The following FAT4 variants were observed in gnomAD, a reference collection of about 807,000 sequenced individuals.
The protein encoded by FAT4 is protocadherin Fat 4.
Under a neutral mutation model 303.9 loss-of-function variants are expected in FAT4, and 84 were observed. The ratio of observed to expected loss-of-function variants is 0.28; its 90% CI spans 0.23 to 0.33. FAT4 has a LOEUF of 0.33. Ranked by LOEUF, FAT4 falls within the 10% of genes least tolerant of loss-of-function variation. FAT4 has a pLI of 1.00. For missense variants in FAT4, 6,005 were observed against 6,146.8 expected, an observed-to-expected ratio of 0.98 and a Z score of 0.77; for synonymous variants, 2,307 against 2,298.8, an observed-to-expected ratio of 1.00 and a Z score of -0.10.
At chr4:125,440,610 T>TGAGA (rs1553925990) in intron 8 of FAT4, among the ~76,000 whole-genome samples, 921 of 75,702 alleles carry the variant, frequency 0.012, 14 homozygotes, top group African/African-American at 0.021. Context: ...TGTGTGTGTG[T>TGAGA]GAGAGAGAGA....
chr4:125,485,209 T>C (rs1381425509), intron 16 of FAT4, among the ~76,000 whole-genome samples: 1 of 152,090 alleles, frequency 6.6e-6, no homozygotes, highest in South Asian at 2.1e-4. Flanking sequence ...TTAGGTTACA[T>C]TAAATTTATC....
chr4:125,431,052 A>G (rs542703861), intron 7 of FAT4, among the ~76,000 whole-genome samples: 55 of 109,786 alleles, frequency 5.0e-4, no homozygotes, highest in Non-Finnish European at 4.4e-5. Context: ...TATCAACAGT[A>G]GTAATGTATC....
chr4:125,492,022 G>T lies in FAT4; in HGVS notation c.*254G>T. ...CTAGTTATGTGGCATGCAGCATTTG[G>T]AAAATTTTTCTTATTTACCAGTGTT... On this transcript the variant is annotated 3_prime_UTR_variant, in exon 18 of 18. Coordinates refer to ENST00000394329, the MANE Select transcript of FAT4 (RefSeq NM_001291303.3). 1 of 411,298 alleles carries T rather than the reference G, an allele frequency of 2.4e-6. No homozygotes were observed. The highest frequency in any genetic ancestry group is 4.3e-6 in the Non-Finnish European group (1 of 234,436). The allele number at this position is 411,298 out of a possible 1,614,324, so 25.5% of individuals were successfully genotyped here.
Position 125,452,380 on chromosome 4 carries a change from G to A in FAT4, c.11370G>A (p.Glu3790=). 1 of 1,614,206 alleles carries A rather than the reference G, an allele frequency of 6.2e-7. No individual in the cohort carries two copies. ...CCACCTTCTTTGAAAGCATCAAAGA[G>A]ATCCTTCTCCGGCAGAGTGGAGTAA... ...GVATFFESIK[E]ILLRQSGVKV... The change falls in exon 10 of 18, where the codon GAG becomes GAA. Residue 3790 remains glutamate (E), a synonymous_variant. Coordinates refer to ENST00000394329, the MANE Select transcript of FAT4 (RefSeq NM_001291303.3).
chr4:125,448,058 G>T (rs1327101310), intron 9 of FAT4, among the ~76,000 whole-genome samples: 1 of 152,070 alleles, frequency 6.6e-6, no homozygotes, highest in East Asian at 1.9e-4. Flanking sequence ...TAGAGCAACG[G>T]TATCATTGCA....
At chr4:125,379,071 T>C (rs1733440341) in intron 2 of FAT4, among the ~76,000 whole-genome samples, 1 of 152,202 alleles carries the variant, frequency 6.6e-6, no homozygotes, top group Admixed American at 6.5e-5. Context: ...AGTAAATGGT[T>C]ATTGGTCCAT....
chr4:125,385,844 G>C (rs570309343), intron 2 of FAT4, among the ~76,000 whole-genome samples: 2 of 151,868 alleles, frequency 1.3e-5, no homozygotes, highest in Non-Finnish European at 2.9e-5. Flanking sequence ...TCAGCTTTTC[G>C]TCCAGCTTTT....
Position 125,452,755 on chromosome 4 carries a change from C to T in FAT4, c.11745C>T (p.Ala3915=), listed in dbSNP as rs920683746. 6 of 1,613,768 alleles carry T rather than the reference C, an allele frequency of 3.7e-6. No homozygotes were observed. The African/African-American group carries it at 8.0e-5, about 22-fold the overall frequency. The change falls in exon 10 of 18, where the codon GCC becomes GCT. Residue 3915 remains alanine, a synonymous_variant. Transcript: ENST00000394329. ...TGCAGAGTCCTTGCAAGAATGGTGC[C>T]ATCTGCCAGAATTTTCCAGGAAGCT... ...ECLQSPCKNG[A]ICQNFPGSFN...
chr4:125,410,071 G>T (rs185711502), intron 5 of FAT4, among the ~76,000 whole-genome samples: 5 of 151,996 alleles, frequency 3.3e-5, no homozygotes, highest in African/African-American at 1.2e-4. Context: ...CACTTGGAAC[G>T]ATATGAGAAG....
At chr4:125,465,577 C>T (rs534666610) in intron 11 of FAT4, among the ~76,000 whole-genome samples, 1 of 152,058 alleles carries the variant, frequency 6.6e-6, no homozygotes, top group Non-Finnish European at 1.5e-5. Context: ...AAAATTGATA[C>T]ACAATAAAAA....
chr4:125,324,972 A>T (rs1256138334), intron 2 of FAT4, among the ~76,000 whole-genome samples: 2 of 152,148 alleles, frequency 1.3e-5, no homozygotes, highest in Non-Finnish European at 2.9e-5. Context: ...TCTCTTTAAT[A>T]TCTAGCTCAA....
intron 2 of FAT4, among the ~76,000 whole-genome samples, chr4:125,330,973 C>T (rs1207379829): frequency 1.3e-5 from 2 of 152,130 alleles, no homozygotes; most frequent in Non-Finnish European, 2.9e-5. Context: ...CTCAGGCGCC[C>T]CTCCTTAGGG....
At position 125,317,713 on chromosome 4, in the gene FAT4, C is replaced by A; in HGVS notation, c.1302C>A (p.Tyr434Ter). ...TGGACCGCGAGCGCATCCCTTCCTA[C>A]AACCTCACAGTTTCCGTCTCTGATA... is the stretch of plus-strand genomic sequence containing the variant. ...SALDRERIPS[Y>*]NLTVSVSDNY... The change falls in exon 2 of 18, where the codon TAC (tyrosine) becomes TAA (stop). Residue 434 changes from tyrosine to a stop codon, truncating the protein, a stop_gained. Transcript: ENST00000394329. LOFTEE classifies it high-confidence loss of function. The surrounding 1 kb of genome is among the most constrained non-coding windows in gnomAD (Gnocchi z 7.0). The A allele has an allele frequency of 6.2e-7, 1 of 1,614,136 alleles. No homozygotes were observed. Among genetic ancestry groups the A allele is most frequent in the Non-Finnish European group, 8.5e-7 (1 of 1,180,034 alleles).
In FAT4 at chr4:125,457,717, G is replaced by A. The variant is rs115256966; in HGVS notation, c.11800+4907G>A. Among the ~76,000 whole-genome samples, 321 of 152,040 alleles carry A rather than the reference G, an allele frequency of 2.1e-3. 1 individual carries two copies. The highest frequency in any genetic ancestry group is 0.014 in the Middle Eastern group (4 of 294). ...AAGTTTATTATAGTATAGGCCATGT[G>A]AAAAATTAATTTCTAAATTTTCACA... is the stretch of plus-strand genomic sequence containing the variant. On this transcript the variant is annotated intron_variant, in intron 10 of 17. Transcript: ENST00000394329.
chr4:125,452,895 AT>A, intron 10 of FAT4, 85 bp downstream of exon 10: 2 of 1,451,714 alleles, frequency 1.4e-6, no homozygotes, highest in South Asian at 1.4e-5. Flanking sequence ...TTTTCCAATG[AT>A]TTTCATATAA....
In FAT4 at chr4:125,318,483, C is replaced by G; in HGVS notation, c.2072C>G (p.Pro691Arg). Residue 691 changes from proline (P) to arginine (R), a missense_variant, in exon 2 of 18, where the codon CCG (proline) becomes CGG (arginine). Transcript: ENST00000394329. Reference protein sequence around the residue: ...DINDNSPVFYPVQYFAHIKEN... With the variant: ...DINDNSPVFYRVQYFAHIKEN... ...AATGATAACAGCCCTGTCTTCTACC[C>G]GGTCCAATACTTTGCTCACATTAAG... 6.2e-7 allele frequency: 1 copy of G among 1,614,142 alleles called. No individual in the cohort carries two copies.
intron 10 of FAT4, among the ~76,000 whole-genome samples, chr4:125,458,131 C>A (rs1034725467): frequency 1.3e-5 from 2 of 151,968 alleles, no homozygotes; most frequent in Admixed American, 6.6e-5. Flanking sequence ...TTTCACACAT[C>A]TGGATGCATT....
At chr4:125,404,705 C>T (rs534394681) in intron 3 of FAT4, among the ~76,000 whole-genome samples, 1 of 152,156 alleles carries the variant, frequency 6.6e-6, no homozygotes, top group East Asian at 1.9e-4. Context: ...AAGATGTATA[C>T]CCATGGCTTA....
At chr4:125,404,797 T>G (rs2126017648) in intron 3 of FAT4, among the ~76,000 whole-genome samples, 1 of 152,238 alleles carries the variant, frequency 6.6e-6, no homozygotes, top group Admixed American at 6.5e-5. Flanking sequence ...CCATTTTAGA[T>G]ACTTCATATA....
Sources: gnomAD v4.1 joint callset for allele counts (sites outside exome capture counted in the v4.1 genomes callset) on GRCh38, gnomAD v4.1.1 for gene constraint, Gnocchi (gnomAD v3.1) non-coding constraint, MANE v1.5 for transcripts, NCBI Gene and HGNC (gene_info 2026-07-23, HGNC 2026-07-21) for gene names.